Variants in TAFA5 observed in about 807,000 individuals in gnomAD.
TAFA5 encodes chemokine-like protein TAFA-5.
TAFA5 carries 6 observed loss-of-function variants against 15.3 expected under a neutral mutation model. That is an observed-to-expected ratio of 0.39 (90% CI 0.21 to 0.77). The LOEUF is 0.77. Among genes scored for constraint, TAFA5 ranks in the 30% least tolerant of loss-of-function variants. The pLI is 0.41. For synonymous variants in TAFA5, 103 were observed against 80.7 expected (o/e 1.28, Z -1.48); for missense variants, 161 against 193.1 (o/e 0.83, Z 0.98).
intron 1 of TAFA5, among the ~76,000 whole-genome samples, chr22:48,517,681 A>T (rs1225140041): frequency 2.0e-5 from 3 of 151,656 alleles, no homozygotes; most frequent in African/African-American, 7.3e-5. Context: ...AGCCCCTTGC[A>T]TGGGGCACGC....
chr22:48,683,886 C>G (rs1050503104), intron 2 of TAFA5, among the ~76,000 whole-genome samples: 1 of 152,274 alleles, frequency 6.6e-6, no homozygotes, highest in Non-Finnish European at 1.5e-5. Flanking sequence ...GCCCCTCCCC[C>G]GTTGCCGGCT....
chr22:48,672,063 G>T (rs1242942058), intron 2 of TAFA5, among the ~76,000 whole-genome samples: 1 of 152,214 alleles, frequency 6.6e-6, no homozygotes, highest in Non-Finnish European at 1.5e-5. Flanking sequence ...GATGATTTCT[G>T]TAAGTGATTG....
intron 1 of TAFA5, among the ~76,000 whole-genome samples, chr22:48,593,017 G>A (rs984392189): frequency 2.6e-5 from 4 of 152,100 alleles, no homozygotes; most frequent in African/African-American, 4.8e-5. Context: ...TGAGTGGGGC[G>A]GGGGGGTCTG....
At chr22:48,681,081 A>G (rs1392835080) in intron 2 of TAFA5, among the ~76,000 whole-genome samples, 2 of 152,228 alleles carry the variant, frequency 1.3e-5, no homozygotes, top group Non-Finnish European at 1.5e-5. Flanking sequence ...TGCTCAGAAT[A>G]TTAGTGGATC....
At chr22:48,608,685 G>C (rs1190951709) in intron 1 of TAFA5, among the ~76,000 whole-genome samples, 1 of 152,222 alleles carries the variant, frequency 6.6e-6, no homozygotes, top group African/African-American at 2.4e-5. Flanking sequence ...TTACCTGTGC[G>C]TGCCAGATGT....
chr22:48,631,033 G>A (rs1926206837), intron 1 of TAFA5, among the ~76,000 whole-genome samples: 1 of 152,320 alleles, frequency 6.6e-6, no homozygotes, highest in Middle Eastern at 3.4e-3. Flanking sequence ...TGGAGTCCCT[G>A]CAGGAACGTT....
intron 1 of TAFA5, among the ~76,000 whole-genome samples, chr22:48,605,420 ATGGTGGTGG>A (rs201199287): frequency 2.8e-4 from 32 of 113,358 alleles, no homozygotes; most frequent in Middle Eastern, 5.0e-3. Flanking sequence ...GATGGTGAGG[ATGGTGGTGG>A]TGGTGGTGGT....
intron 1 of TAFA5, among the ~76,000 whole-genome samples, chr22:48,525,953 C>T (rs1262787045): frequency 1.3e-5 from 2 of 152,198 alleles, no homozygotes; most frequent in Non-Finnish European, 2.9e-5. Flanking sequence ...CCTCCCAGAT[C>T]GCTGTCAGGC....
intron 2 of TAFA5, among the ~76,000 whole-genome samples, chr22:48,647,411 G>A (rs1424737753): frequency 6.6e-6 from 1 of 152,122 alleles, no homozygotes; most frequent in Non-Finnish European, 1.5e-5. Flanking sequence ...GCGTCTGGTG[G>A]GAGCCTGTCA....
At chr22:48,547,546 G>A (rs971242784) in intron 1 of TAFA5, among the ~76,000 whole-genome samples, 3 of 152,230 alleles carry the variant, frequency 2.0e-5, no homozygotes, top group African/African-American at 7.2e-5. Flanking sequence ...TGAAGCAGCT[G>A]GGAGACTCTT....
At chr22:48,681,138 G>T (rs2147230305) in intron 2 of TAFA5, among the ~76,000 whole-genome samples, 1 of 152,340 alleles carries the variant, frequency 6.6e-6, no homozygotes, top group East Asian at 1.9e-4. Flanking sequence ...GGCAGGGCCT[G>T]AGCCACGCTT....
chr22:48,682,854 T>C (rs1450914562), intron 2 of TAFA5, among the ~76,000 whole-genome samples: 2 of 152,188 alleles, frequency 1.3e-5, no homozygotes, highest in East Asian at 1.9e-4. Context: ...TTATACTTGA[T>C]GATTTCAAGG....
intron 2 of TAFA5, among the ~76,000 whole-genome samples, chr22:48,686,304 G>T (rs1928351645): frequency 6.6e-6 from 1 of 152,336 alleles, no homozygotes; most frequent in Admixed American, 6.5e-5. Context: ...CAGCTCTGGA[G>T]GCTGGAAATC....
chr22:48,621,076 T>C (rs1377214131), intron 1 of TAFA5, among the ~76,000 whole-genome samples: 1 of 47,366 alleles, frequency 2.1e-5, no homozygotes, highest in Non-Finnish European at 3.7e-5. Context: ...TATTCATCCA[T>C]CCACCCACCC....
At chr22:48,703,174 A>G (rs1366046026) in intron 2 of TAFA5, among the ~76,000 whole-genome samples, 2 of 152,018 alleles carry the variant, frequency 1.3e-5, no homozygotes, top group Non-Finnish European at 2.9e-5. Flanking sequence ...GTGTGCCTGC[A>G]TGCCTTTGCG....
intron 2 of TAFA5, among the ~76,000 whole-genome samples, chr22:48,698,438 G>A (rs1244928647): frequency 2.0e-5 from 3 of 151,752 alleles, no homozygotes; most frequent in Non-Finnish European, 4.4e-5. Flanking sequence ...GATGGTGGTG[G>A]TGGTGATGGT....
At chr22:48,612,306 G>A (rs1158728469) in intron 1 of TAFA5, among the ~76,000 whole-genome samples, 2 of 152,244 alleles carry the variant, frequency 1.3e-5, no homozygotes, top group Non-Finnish European at 2.9e-5. Context: ...GCATGTTCAA[G>A]TGTAATCAAG....
At chr22:48,640,887 G>T (rs5771671) in intron 1 of TAFA5, among the ~76,000 whole-genome samples, 2 of 142,492 alleles carry the variant, frequency 1.4e-5, no homozygotes, top group Admixed American at 6.9e-5. Flanking sequence ...TGTTGGGGCA[G>T]TGAGAACAGT....
intron 1 of TAFA5, among the ~76,000 whole-genome samples, chr22:48,594,693 C>T (rs191489329): frequency 3.3e-5 from 5 of 152,342 alleles, no homozygotes; most frequent in Admixed American, 3.3e-4. Flanking sequence ...AGAGGCCAGA[C>T]TGCCACTCAG....
Sources: allele counts gnomAD v4.1 joint callset (sites outside exome capture counted in the v4.1 genomes callset), GRCh38; gene constraint gnomAD v4.1.1; transcripts MANE v1.5; gene names NCBI Gene and HGNC (gene_info 2026-07-23, HGNC 2026-07-21).